The following MTERF4 variants were observed in gnomAD, a reference collection of about 807,000 sequenced individuals.
MTERF4 encodes the protein transcription termination factor 4, mitochondrial.
A neutral mutation model predicts 22.5 loss-of-function variants in MTERF4; 17 were observed. The ratio of observed to expected loss-of-function variants is 0.75; its 90% CI spans 0.52 to 1.13. MTERF4 has a LOEUF of 1.13. MTERF4 is among the 50% of genes most tolerant of loss of function. MTERF4 has a pLI of 0.00. For synonymous variants in MTERF4, 165 were observed against 175.3 expected (o/e 0.94, Z 0.47); for missense variants, 420 against 466.8 (o/e 0.90, Z 0.92).
the MTERF4 span, among the ~76,000 whole-genome samples, chr2:241,059,784 C>T: frequency 1.3e-5 from 2 of 152,210 alleles, no homozygotes; most frequent in African/African-American, 2.4e-5. Context: ...TGATAAAGGA[C>T]ATCCATTAAA....
chr2:241,083,431 ATGT>A (rs2063427299), downstream of MTERF4, among the ~76,000 whole-genome samples: 1 of 152,146 alleles, frequency 6.6e-6, no homozygotes, highest in South Asian at 2.1e-4. Context: ...GAAGAGTGAC[ATGT>A]TCGATTACAC....
chr2:241,065,646 G>A, the MTERF4 span: 3 of 1,530,592 alleles, frequency 2.0e-6, no homozygotes, highest in Non-Finnish European at 2.7e-6. Flanking sequence ...CCCCTCGAGG[G>A]CAGCGCTGGC....
chr2:241,087,670 G>A (rs574785154), downstream of MTERF4: 2 of 1,379,352 alleles, frequency 1.4e-6, no homozygotes, highest in African/African-American at 2.9e-5. Flanking sequence ...AGCATACCCA[G>A]AGGGGCACAG....
chr2:241,054,902 A>G, the MTERF4 span, among the ~76,000 whole-genome samples: 18 of 152,312 alleles, frequency 1.2e-4, no homozygotes, highest in Middle Eastern at 0.014. Flanking sequence ...GGATCACCTG[A>G]GGTCAGGAGT....
At chr2:241,077,356 G>T (rs575478382) in intron 4 of MTERF4, among the ~76,000 whole-genome samples, 2 of 152,196 alleles carry the variant, frequency 1.3e-5, no homozygotes, top group African/African-American at 4.8e-5. Context: ...CATGACCTTC[G>T]ATCATGAGGG....
At chr2:241,048,964 T>TC in the MTERF4 span, 1 of 1,470,294 alleles carries the variant, frequency 6.8e-7, no homozygotes, top group Non-Finnish European at 9.3e-7. Context: ...TGACAAGGAC[T>TC]CGAGGTCTGC....
At chr2:241,052,495 G>T in the MTERF4 span, 1 of 1,535,774 alleles carries the variant, frequency 6.5e-7, no homozygotes, top group African/African-American at 1.4e-5. Context: ...GATCAAGCAG[G>T]GTACATGGGA....
chr2:241,048,651 C>G, the MTERF4 span: 1 of 1,601,338 alleles, frequency 6.2e-7, no homozygotes, highest in Non-Finnish European at 8.5e-7. Flanking sequence ...TCCTCCCTCT[C>G]TTCGTGGCAG....
chr2:241,077,073 C>T (rs1048957047), intron 4 of MTERF4, among the ~76,000 whole-genome samples: 10 of 142,230 alleles, frequency 7.0e-5, no homozygotes, highest in African/African-American at 2.2e-4. Flanking sequence ...AGCGAGACTC[C>T]GTCTCAAAAA....
At chr2:241,048,273 C>G in the MTERF4 span, 2 of 1,553,122 alleles carry the variant, frequency 1.3e-6, no homozygotes, top group Admixed American at 3.9e-5. Flanking sequence ...ACTCTCCCCA[C>G]ATTCCCTGCG....
the MTERF4 span, among the ~76,000 whole-genome samples, chr2:241,055,227 T>C: frequency 6.6e-6 from 1 of 152,144 alleles, no homozygotes; most frequent in Non-Finnish European, 1.5e-5. Flanking sequence ...GATAAGTGGC[T>C]AGGGAGTTAA....
chr2:241,098,139 A>T (rs2064539996), intron 2 of MTERF4, among the ~76,000 whole-genome samples: 1 of 152,250 alleles, frequency 6.6e-6, no homozygotes, highest in African/African-American at 2.4e-5. Context: ...ACTGTTAATT[A>T]AAATTTTCCT....
Position 241,096,741 on chromosome 2 carries a change from T to TGACA in MTERF4, c.706-304_706-303insTGTC. 1.7e-6 allele frequency: 1 copy of TGACA among 596,028 alleles called. No individual in the cohort carries two copies. The allele number at this position is 596,028 out of a possible 1,614,324, so 36.9% of individuals were successfully genotyped here. On this transcript the variant is annotated intron_variant, in intron 3 of 3. Transcript: ENST00000391980. This position sits in a 1 kb window ranked among gnomAD's most constrained non-coding sequence, Gnocchi z 5.1. ...TTAAATGGGGAAGGAAAAGGATGAATATGGAAAGAATAGGCAAAACATTCA... is the reference window on the plus strand; with the variant it reads ...TTAAATGGGGAAGGAAAAGGATGAATGACAATGGAAAGAATAGGCAAAACATTCA...
the MTERF4 span, chr2:241,048,706 G>A: frequency 4.3e-6 from 7 of 1,612,882 alleles, no homozygotes; most frequent in Non-Finnish European, 5.9e-6. Flanking sequence ...CAGATGCCTG[G>A]GCGCCAACAC....
chr2:241,047,692 C>A, the MTERF4 span, among the ~76,000 whole-genome samples: 2 of 152,264 alleles, frequency 1.3e-5, no homozygotes, highest in Admixed American at 1.3e-4. Context: ...CGTTTGGAGG[C>A]CCCTGGCCCC....
At chr2:241,056,087 G>C in the MTERF4 span, among the ~76,000 whole-genome samples, 1 of 149,552 alleles carries the variant, frequency 6.7e-6, no homozygotes, top group East Asian at 1.9e-4. Context: ...ACAATCGATA[G>C]AAAAAGACCT....
chr2:241,071,698 G>A (rs778905683), downstream of MTERF4: 1,044 of 970,578 alleles, frequency 1.1e-3, 3 homozygotes, highest in South Asian at 2.4e-3. Context: ...CAGCGCCCCC[G>A]AGACCCCCAC....
downstream of MTERF4, among the ~76,000 whole-genome samples, chr2:241,083,055 G>A (rs1026957888): frequency 6.6e-6 from 1 of 150,962 alleles, no homozygotes; most frequent in African/African-American, 2.4e-5. Flanking sequence ...CAGATGAGGG[G>A]ACAGACAACA....
the MTERF4 span, chr2:241,048,566 G>A: frequency 5.3e-6 from 8 of 1,497,902 alleles, no homozygotes; most frequent in Non-Finnish European, 7.2e-6. Flanking sequence ...ACTGCAATTT[G>A]TATGGGAAGT....
Sources: gnomAD v4.1 joint callset for allele counts (sites outside exome capture counted in the v4.1 genomes callset) on GRCh38, gnomAD v4.1.1 for gene constraint, Gnocchi (gnomAD v3.1) non-coding constraint, MANE v1.5 for transcripts, NCBI Gene and HGNC (gene_info 2026-07-23, HGNC 2026-07-21) for gene names.